EML6: variants seen among roughly 807,000 people sequenced by gnomAD.
EML6 encodes echinoderm microtubule-associated protein-like 6.
EML6 carries 154 observed loss-of-function variants against 240.1 expected under a neutral mutation model. The ratio of observed to expected loss-of-function variants is 0.64; its 90% CI spans 0.56 to 0.73. The LOEUF (loss-of-function observed/expected upper bound fraction) is 0.73, where lower values mean the gene tolerates loss of function less well. EML6 is among the 30% of genes least tolerant of loss of function. The probability of loss-of-function intolerance (pLI) is 0.00; values close to 1 mark genes in which losing one functional copy is unlikely to be tolerated. For synonymous variants in EML6, 1,148 were observed against 899.0 expected, an observed-to-expected ratio of 1.28 and a Z score of -4.95; for missense variants, 2,964 against 2,474.6, an observed-to-expected ratio of 1.20 and a Z score of -4.20.
In EML6 at chr2:54,971,593, T is replaced by G. The variant is rs1046219912; in HGVS notation, c.*1498T>G. 1.3e-5 allele frequency: 2 copies of G among 152,244 alleles called. No homozygotes were observed. The highest frequency in any genetic ancestry group is 2.9e-5 in the Non-Finnish European group (2 of 68,042). The allele number at this position is 152,244 out of a possible 1,614,324, so 9.4% of individuals were successfully genotyped here. On this transcript the variant is annotated 3_prime_UTR_variant, in exon 42 of 42. Transcript: ENST00000356458. Reference sequence around the variant, plus strand: ...TAGATCACTCATTAAGCTATTTTTATATGCCAATTTACTAATGCCTTACAT... The same window carrying G: ...TAGATCACTCATTAAGCTATTTTTAGATGCCAATTTACTAATGCCTTACAT...
chr2:54,877,584 G>C (rs1558640680), intron 16 of EML6, among the ~76,000 whole-genome samples: 1 of 152,166 alleles, frequency 6.6e-6, no homozygotes, highest in Non-Finnish European at 1.5e-5. Flanking sequence ...AGTAATGTTG[G>C]TAATGAATAG....
At chr2:54,954,208 C>T (rs1259232251) in intron 32 of EML6, 52 bp downstream of exon 32, 12 of 1,490,468 alleles carry the variant, frequency 8.1e-6, no homozygotes, top group Admixed American at 4.3e-5. Context: ...CTGTGGGTGT[C>T]GAGCCTGTGG....
At chr2:54,958,111 T>C in intron 33 of EML6, 113 bp downstream of exon 33, 1 of 900,492 alleles carries the variant, frequency 1.1e-6, no homozygotes, top group Non-Finnish European at 1.7e-6. Context: ...GGAAAGCCAT[T>C]TCCACATTCG....
At chr2:54,893,383 A>G (rs13383645) in intron 19 of EML6, among the ~76,000 whole-genome samples, 55,422 of 151,996 alleles carry the variant, frequency 0.36, 10,435 homozygotes, top group Middle Eastern at 0.47. Flanking sequence ...GTGTTACCCA[A>G]TGGCTGAAGG....
intron 2 of EML6, among the ~76,000 whole-genome samples, chr2:54,772,604 G>A (rs1668444840): frequency 6.6e-6 from 1 of 152,186 alleles, no homozygotes; most frequent in Admixed American, 6.5e-5. Context: ...TGCCTACCAT[G>A]TGCTGTGTGT....
At chr2:54,964,455 A>T in intron 37 of EML6, 116 bp from the exon 38 acceptor site, 1 of 946,344 alleles carries the variant, frequency 1.1e-6, no homozygotes, top group East Asian at 2.6e-5. Context: ...CATGTGAGTC[A>T]CAAGGTGGCT....
chr2:54,934,232 C>G (rs1248417220), intron 28 of EML6, among the ~76,000 whole-genome samples: 1 of 152,154 alleles, frequency 6.6e-6, no homozygotes, highest in Non-Finnish European at 1.5e-5. Flanking sequence ...ATAATACTCT[C>G]TTAAAAGTAC....
rs1024035211 is a variant in EML6, at chr2:54,950,612, C to T, written c.4084-38C>T. The T allele has an allele frequency of 7.7e-6, 12 of 1,548,656 alleles. No homozygotes were observed. The East Asian group carries it at 1.2e-4, about 16-fold the overall frequency. On this transcript the variant is annotated intron_variant, in intron 29 of 41. Coordinates refer to ENST00000356458, the MANE Select transcript of EML6 (RefSeq NM_001039753.4). ...TGTGTTCCTCGGCTCTCCCTTCCTT[C>T]CTCTGAGGGTCACATTGATCTGTGT... is the stretch of plus-strand genomic sequence containing the variant.
At chr2:54,810,096 C>T (rs188708238) in intron 2 of EML6, among the ~76,000 whole-genome samples, 2 of 152,246 alleles carry the variant, frequency 1.3e-5, no homozygotes, top group East Asian at 3.9e-4. Context: ...CAGACTCTGG[C>T]TCATGAAAGG....
Position 54,851,252 on chromosome 2 carries a change from TA to T in EML6, c.1444+1035del, listed in dbSNP as rs757806661. 2.3e-4 allele frequency among the ~76,000 whole-genome samples: 35 copies of T among 150,892 alleles called. No individual in the cohort carries two copies. The East Asian group carries it at 4.3e-3, about 18-fold the overall frequency. The stretch of plus-strand genomic sequence containing the variant: ...GGTGAAGTCCCATCTCTGCTAAAGA[TA>T]CAAAAAAAAATCAGCCAGGCGCGGT... On this transcript the variant is annotated intron_variant, in intron 10 of 41. Coordinates refer to ENST00000356458, the MANE Select transcript of EML6 (RefSeq NM_001039753.4).
chr2:54,971,456 C>T lies in EML6; in HGVS notation c.*1361C>T, dbSNP rs576326774. On this transcript the variant is annotated 3_prime_UTR_variant, in exon 42 of 42. Transcript: ENST00000356458. ...TCAGTGAACGAAAATTCTAGACCTACAGTTACTGGCTACTTGCATTTGTCA... is the reference window on the plus strand; with the variant it reads ...TCAGTGAACGAAAATTCTAGACCTATAGTTACTGGCTACTTGCATTTGTCA... The T allele has an allele frequency of 8.5e-5, 13 of 152,306 alleles. No homozygotes were observed. The highest frequency in any genetic ancestry group is 2.9e-4 in the African/African-American group (12 of 41,562). The allele number at this position is 152,306 out of a possible 1,614,324, so 9.4% of individuals were successfully genotyped here.
At chr2:54,938,701 G>A (rs574347722) in intron 28 of EML6, among the ~76,000 whole-genome samples, 3 of 152,348 alleles carry the variant, frequency 2.0e-5, no homozygotes, top group Admixed American at 2.0e-4. Flanking sequence ...GCTTCACGCT[G>A]TCTGAGGTTC....
intron 12 of EML6, among the ~76,000 whole-genome samples, chr2:54,863,388 T>A (rs563631930): frequency 6.6e-6 from 1 of 152,300 alleles, no homozygotes; most frequent in South Asian, 2.1e-4. Flanking sequence ...GGCATGGTGG[T>A]ACGCATCTCT....
intron 16 of EML6, among the ~76,000 whole-genome samples, chr2:54,878,871 G>A (rs569504351): frequency 2.0e-5 from 3 of 152,298 alleles, no homozygotes; most frequent in African/African-American, 7.2e-5. Flanking sequence ...GCACATTTGT[G>A]TAAAGATTGG....
At chr2:54,924,412 A>G (rs538165649) in intron 26 of EML6, among the ~76,000 whole-genome samples, 5 of 152,056 alleles carry the variant, frequency 3.3e-5, no homozygotes, top group Non-Finnish European at 5.9e-5. Flanking sequence ...TCTTCTGTCC[A>G]TTGTTTTAAA....
intron 12 of EML6, among the ~76,000 whole-genome samples, chr2:54,862,819 C>T (rs1294740097): frequency 6.6e-6 from 1 of 152,146 alleles, no homozygotes; most frequent in Non-Finnish European, 1.5e-5. Flanking sequence ...GCAGATTTCC[C>T]AAATGCAAGT....
At position 54,916,769 on chromosome 2, in the gene EML6, T is replaced by C. The variant is rs1673937122; in HGVS notation, c.3509T>C (p.Ile1170Thr). The change falls in exon 26 of 42, where the codon ATA (isoleucine) becomes ACA (threonine). Residue 1170 changes from isoleucine (I) to threonine (T), a missense_variant. By Grantham distance (89) the Ile-to-Thr change is moderately conservative. Coordinates refer to ENST00000356458, the MANE Select transcript of EML6 (RefSeq NM_001039753.4). Reference protein sequence around the residue: ...HIIRPSEIEKIEWDTWTCVLG... With the variant: ...HIIRPSEIEKTEWDTWTCVLG... ...TTCGTTCTTTTTCAGATCGAGAAGA[T>C]AGAGTGGGACACATGGACCTGTGTC... is the stretch of plus-strand genomic sequence containing the variant. 1.3e-6 allele frequency: 2 copies of C among 1,498,426 alleles called. No homozygotes were observed. The highest frequency in any genetic ancestry group is 1.4e-5 in the African/African-American group (1 of 72,256). The allele number at this position is 1,498,426 out of a possible 1,614,324, so 92.8% of individuals were successfully genotyped here.
At chr2:54,966,127 A>C (rs887029810) in intron 38 of EML6, among the ~76,000 whole-genome samples, 1 of 152,258 alleles carries the variant, frequency 6.6e-6, no homozygotes, top group Non-Finnish European at 1.5e-5. Context: ...GACAAGCACT[A>C]AACAGACAAT....
intron 21 of EML6, among the ~76,000 whole-genome samples, chr2:54,896,276 A>G (rs1672763060): frequency 6.6e-6 from 1 of 152,298 alleles, no homozygotes; most frequent in South Asian, 2.1e-4. Flanking sequence ...CATAAAATGA[A>G]CAAGACAAAT....
Sources: allele counts gnomAD v4.1 joint callset (sites outside exome capture counted in the v4.1 genomes callset), GRCh38; gene constraint gnomAD v4.1.1; transcripts MANE v1.5; gene names NCBI Gene and HGNC (gene_info 2026-07-23, HGNC 2026-07-21).